NCAPD3: variants seen among roughly 807,000 people sequenced by gnomAD.
The protein encoded by NCAPD3 is non-SMC condensin II complex subunit D3, also known as condensin-2 complex subunit D3.
Under a neutral mutation model 182.9 loss-of-function variants are expected in NCAPD3, and 105 were observed. The ratio of observed to expected loss-of-function variants is 0.57; its 90% CI spans 0.49 to 0.68. The LOEUF is 0.68. Ranked by LOEUF, NCAPD3 falls within the 30% of genes least tolerant of loss-of-function variation. The pLI is 0.00. For missense variants in NCAPD3, 1,944 were observed against 1,837.0 expected, an observed-to-expected ratio of 1.06 and a Z score of -1.07; for synonymous variants, 815 against 679.9, an observed-to-expected ratio of 1.20 and a Z score of -3.09.
chr11:134,186,537 CTTATT>C (rs1944408986), intron 16 of NCAPD3, among the ~76,000 whole-genome samples: 1 of 152,160 alleles, frequency 6.6e-6, no homozygotes. Flanking sequence ...AGAACTATCT[CTTATT>C]TTACTTCTTC....
At chr11:134,153,989 A>C (rs1186570559) in intron 32 of NCAPD3, 1 of 156,412 alleles carries the variant, frequency 6.4e-6, no homozygotes, top group Non-Finnish European at 1.4e-5. Flanking sequence ...CCTCAGGAAC[A>C]GGAGAACACA....
chr11:134,216,868 T>C (rs1938045930), intron 3 of NCAPD3, 68 bp downstream of exon 3: 4 of 1,453,720 alleles, frequency 2.8e-6, no homozygotes, highest in African/African-American at 2.9e-5. Context: ...AAACAAAGTA[T>C]AAGAATTGAA....
intron 16 of NCAPD3, among the ~76,000 whole-genome samples, chr11:134,187,223 G>C (rs1944427579): frequency 6.6e-6 from 1 of 152,206 alleles, no homozygotes; most frequent in African/African-American, 2.4e-5. Flanking sequence ...TCCACCAGAG[G>C]TTACTGACTA....
At chr11:134,185,962 C>A (rs1944397517) in intron 16 of NCAPD3, 1 of 149,302 alleles carries the variant, frequency 6.7e-6, no homozygotes, top group South Asian at 2.1e-4. Flanking sequence ...GGCTGGAGTG[C>A]AATGGCGCGA....
intron 32 of NCAPD3, among the ~76,000 whole-genome samples, chr11:134,154,486 C>T (rs1021938403): frequency 7.3e-5 from 11 of 150,214 alleles, no homozygotes; most frequent in East Asian, 5.9e-4. Flanking sequence ...CACCCCCCCC[C>T]CCACCGCCCC....
rs138786254 is a variant in NCAPD3, at chr11:134,179,297, A to C, written c.2560-361T>G. ...AGAGACACCATTATTGTTTTTGTGT[A>C]TAACTTTTTCAAAGTATTTCTATAG... On this transcript the variant is annotated intron_variant, in intron 20 of 34. Transcript: ENST00000534548. 9.4e-3 allele frequency among the ~76,000 whole-genome samples: 1,437 copies of C among 152,312 alleles called. 12 individuals are homozygous for C. The highest frequency in any genetic ancestry group is 0.013 in the Non-Finnish European group (855 of 68,016).
intron 25 of NCAPD3, 74 bp from the exon 26 acceptor site, chr11:134,168,676 G>T: frequency 6.3e-7 from 1 of 1,581,672 alleles, no homozygotes; most frequent in South Asian, 1.1e-5. Context: ...CACTTTAACT[G>T]CATCCTAAAA....
rs1591831348 is a variant in NCAPD3, at chr11:134,169,144, A to G, written c.3102-90T>C. 35 of 1,337,812 alleles carry G rather than the reference A, an allele frequency of 2.6e-5. No homozygotes were observed. In the East Asian group the frequency reaches 8.5e-4, roughly 32 times the overall value. 82.9% of individuals were successfully genotyped at this position (1,337,812 alleles called of 1,614,324 possible). A position where few individuals can be genotyped will look rare whatever the true frequency, so the allele number is the denominator to read the frequency against. ...CCAAGAACTCTGCTGAGCAGAGGAG[A>G]GCTGTACATAAGCGTAGGGATTCAA... On this transcript the variant is annotated intron_variant, in intron 24 of 34. Transcript: ENST00000534548.
intron 32 of NCAPD3, among the ~76,000 whole-genome samples, chr11:134,155,111 C>A (rs1422106347): frequency 6.6e-6 from 1 of 152,154 alleles, no homozygotes; most frequent in Non-Finnish European, 1.5e-5. Flanking sequence ...TCTGTGCCAC[C>A]CGAATGGTAA....
intron 16 of NCAPD3, among the ~76,000 whole-genome samples, chr11:134,188,015 C>T (rs1944446412): frequency 6.6e-6 from 1 of 152,148 alleles, no homozygotes; most frequent in Admixed American, 6.5e-5. Flanking sequence ...TAGGGTCGGC[C>T]CTAACCCAAG....
At chr11:134,212,032 C>T (rs567114765) in intron 3 of NCAPD3, among the ~76,000 whole-genome samples, 3 of 152,222 alleles carry the variant, frequency 2.0e-5, no homozygotes, top group South Asian at 2.1e-4. Context: ...CAGAGGCAAT[C>T]ACAACAAAGC....
intron 13 of NCAPD3, among the ~76,000 whole-genome samples, chr11:134,196,404 G>A (rs1252241408): frequency 1.3e-5 from 2 of 152,130 alleles, no homozygotes; most frequent in African/African-American, 2.4e-5. Context: ...AGCTCTTTGG[G>A]AGGCCGAGGT....
chr11:134,186,834 TATTG>T (rs1944416456), intron 16 of NCAPD3, among the ~76,000 whole-genome samples: 1 of 152,218 alleles, frequency 6.6e-6, no homozygotes, highest in African/African-American at 2.4e-5. Context: ...ATATATCAGC[TATTG>T]ATTAAAAATC....
At position 134,184,981 on chromosome 11, in the gene NCAPD3, T is replaced by G; in HGVS notation, c.2257A>C (p.Asn753His). The change falls in exon 18 of 35, where the codon AAC (asparagine) becomes CAC (histidine). Residue 753 changes from asparagine to histidine, a missense_variant. Asn to His is a moderately conservative substitution (Grantham distance 68). Transcript: ENST00000534548. ...ACACAGAGAATATGTCCTAAGGTGT[T>G]TGAATTGGGATTCTGCTGACTAGAG... ...KISSQQNPNSNTLGHILCVIG... is the reference protein window; with the variant it reads ...KISSQQNPNSHTLGHILCVIG... 6.2e-7 allele frequency: 1 copy of G among 1,613,530 alleles called. No homozygotes were observed. Among genetic ancestry groups the G allele is most frequent in the Non-Finnish European group, 8.5e-7 (1 of 1,179,512 alleles).
intron 17 of NCAPD3, 22 bp downstream of exon 17, chr11:134,185,313 G>A: frequency 6.4e-7 from 1 of 1,570,512 alleles, no homozygotes; most frequent in Non-Finnish European, 8.6e-7. Context: ...TGTCATTACT[G>A]GTTAAATTAG....
At chr11:134,192,664 A>G (rs753518434) in intron 16 of NCAPD3, 25 bp downstream of exon 16, 1 of 1,590,706 alleles carries the variant, frequency 6.3e-7, no homozygotes, top group Admixed American at 1.7e-5. Context: ...TTCTATAGGG[A>G]ACACAGGTCA....
At position 134,194,525 on chromosome 11, in the gene NCAPD3, T is replaced by C. The variant is rs1944586387; in HGVS notation, c.1689+140A>G. On this transcript the variant is annotated intron_variant, in intron 14 of 34. Coordinates refer to ENST00000534548, the MANE Select transcript of NCAPD3 (RefSeq NM_015261.3). Reference sequence around the variant, plus strand: ...TCTTCCAGTTCGTCTATGATTCATATACAACAGGATCAGGGTCAACTAACA... The same window carrying C: ...TCTTCCAGTTCGTCTATGATTCATACACAACAGGATCAGGGTCAACTAACA... The C allele has an allele frequency of 9.0e-6, 5 of 555,754 alleles. No homozygotes were observed. The South Asian group carries it at 1.2e-4, about 13-fold the overall frequency. The allele number at this position is 555,754 out of a possible 1,614,324, so 34.4% of individuals were successfully genotyped here. A position where few individuals can be genotyped will look rare whatever the true frequency, so the allele number is the denominator to read the frequency against.
chr11:134,185,718 TCTA>T (rs1479538893), intron 16 of NCAPD3, among the ~76,000 whole-genome samples, 192 bp from the exon 17 acceptor site: 1 of 152,134 alleles, frequency 6.6e-6, no homozygotes, highest in African/African-American at 2.4e-5. Flanking sequence ...TTTTTATTAT[TCTA>T]CTATCAGTTA....
intron 16 of NCAPD3, among the ~76,000 whole-genome samples, chr11:134,186,364 A>G (rs188202768): frequency 5.3e-5 from 8 of 151,428 alleles, no homozygotes; most frequent in Admixed American, 5.3e-4. Context: ...TACCTGGCTA[A>G]TTTCTCTCTC....
Sources: gnomAD v4.1 joint callset for allele counts (sites outside exome capture counted in the v4.1 genomes callset) on GRCh38, gnomAD v4.1.1 for gene constraint, MANE v1.5 for transcripts, NCBI Gene and HGNC (gene_info 2026-07-23, HGNC 2026-07-21) for gene names.